RNF217: variants seen among roughly 807,000 people sequenced by gnomAD.
RNF217 encodes the protein E3 ubiquitin-protein ligase RNF217.
RNF217 carries 31 observed loss-of-function variants against 57.8 expected under a neutral mutation model. The observed-to-expected ratio is 0.54, with a 90% CI of 0.40 to 0.72. The LOEUF (loss-of-function observed/expected upper bound fraction) is 0.72. Ranked by LOEUF, RNF217 falls within the 30% of genes least tolerant of loss-of-function variation. The pLI is 0.00. For synonymous variants in RNF217, 313 were observed against 294.0 expected (o/e 1.06, Z -0.66); for missense variants, 696 against 708.3 (o/e 0.98, Z 0.20).
intron 1 of RNF217, among the ~76,000 whole-genome samples, chr6:124,987,052 C>G (rs1055262312): frequency 6.6e-6 from 1 of 152,126 alleles, no homozygotes; most frequent in African/African-American, 2.4e-5. Context: ...TATTAGTCTA[C>G]TAGCATGTAT....
At position 125,083,087 on chromosome 6, in the gene RNF217, G is replaced by A. The variant is rs1788639153; in HGVS notation, c.*150G>A. 2 of 553,202 alleles carry A rather than the reference G, an allele frequency of 3.6e-6. No individual in the cohort carries two copies. Among genetic ancestry groups the A allele is most frequent in the East Asian group, 6.4e-5 (2 of 31,336 alleles). 34.3% of individuals were successfully genotyped at this position (553,202 alleles called of 1,614,324 possible). On this transcript the variant is annotated 3_prime_UTR_variant, in exon 6 of 6. Transcript: ENST00000521654. ...TTCTCCGTGGGCCACAATGCCTCTA[G>A]CTATGGTGCACTCCCAACATGGTAT...
Position 124,969,688 on chromosome 6 carries a change from T to C in RNF217, c.882+6262T>C, listed in dbSNP as rs75801973. 2.6e-5 allele frequency among the ~76,000 whole-genome samples: 4 copies of C among 152,316 alleles called. No homozygotes were observed. The East Asian group carries it at 7.7e-4, about 29-fold the overall frequency. ...AAGGCACTGTTTTAGGCTCTGGGGA[T>C]ACAAGAGACTAAAACATTTAAAGCT... is the stretch of plus-strand genomic sequence containing the variant. On this transcript the variant is annotated intron_variant, in intron 1 of 5. Transcript: ENST00000521654.
intron 1 of RNF217, among the ~76,000 whole-genome samples, chr6:125,012,445 C>T (rs1218251736): frequency 6.6e-6 from 1 of 151,928 alleles, no homozygotes; most frequent in Non-Finnish European, 1.5e-5. Flanking sequence ...CTGAATATAC[C>T]CATTTTTGGG....
chr6:125,060,356 TACAC>T lies in RNF217; in HGVS notation c.1281+2272_1281+2275del, dbSNP rs71706851. On this transcript the variant is annotated intron_variant, in intron 3 of 5. Coordinates refer to ENST00000521654, the MANE Select transcript of RNF217 (RefSeq NM_001286398.3). ...TTTGTTAGGAAAGTATATATGTGTA[TACAC>T]ACACACACACACACACACACATATA... is the stretch of plus-strand genomic sequence containing the variant. Among the ~76,000 whole-genome samples, 665 of 150,142 alleles carry T rather than the reference TACAC, an allele frequency of 4.4e-3. 5 individuals carry two copies. Among genetic ancestry groups the T allele is most frequent in the African/African-American group, 0.015 (623 of 41,010 alleles).
At chr6:125,021,972 C>G (rs961003459) in intron 1 of RNF217, among the ~76,000 whole-genome samples, 1 of 152,136 alleles carries the variant, frequency 6.6e-6, no homozygotes, top group East Asian at 1.9e-4. Flanking sequence ...ACTTCTGCCT[C>G]CCAGGTTCAA....
At position 124,962,688 on chromosome 6, in the gene RNF217, G is replaced by A; in HGVS notation, c.144G>A (p.Ala48=). ...ARAPPLRAAS[A]EPSGGGCGSD... Reference sequence around the variant, plus strand: ...CGCCCCCGCTGCGCGCCGCCTCCGCGGAGCCGAGCGGCGGTGGCTGCGGAA... The same window carrying A: ...CGCCCCCGCTGCGCGCCGCCTCCGCAGAGCCGAGCGGCGGTGGCTGCGGAA... The change falls in exon 1 of 6, where the codon GCG becomes GCA. Residue 48 remains alanine, a synonymous_variant. Transcript: ENST00000521654. The surrounding 1 kb of genome is among the most constrained non-coding windows in gnomAD (Gnocchi z 4.6). 2 of 1,368,712 alleles carry A rather than the reference G, an allele frequency of 1.5e-6. No individual in the cohort carries two copies. The highest frequency in any genetic ancestry group is 1.9e-6 in the Non-Finnish European group (2 of 1,073,342). 84.8% of individuals were successfully genotyped at this position (1,368,712 alleles called of 1,614,324 possible).
chr6:125,021,138 C>A (rs925868978), intron 1 of RNF217, among the ~76,000 whole-genome samples: 4 of 152,162 alleles, frequency 2.6e-5, no homozygotes, highest in African/African-American at 9.7e-5. Context: ...GTTATTCATC[C>A]CACATTATTT....
At chr6:125,012,538 T>G (rs1164085013) in intron 1 of RNF217, among the ~76,000 whole-genome samples, 1 of 152,164 alleles carries the variant, frequency 6.6e-6, no homozygotes, top group Non-Finnish European at 1.5e-5. Context: ...TGAACCTCAT[T>G]GATAATGGTG....
chr6:125,005,110 C>T (rs1307964853), intron 1 of RNF217, among the ~76,000 whole-genome samples: 4 of 152,120 alleles, frequency 2.6e-5, no homozygotes, highest in Non-Finnish European at 4.4e-5. Context: ...GCATAACCCT[C>T]GTGACCTAAA....
intron 1 of RNF217, among the ~76,000 whole-genome samples, chr6:125,031,027 T>C (rs759815923): frequency 3.9e-4 from 60 of 152,260 alleles, no homozygotes; most frequent in Non-Finnish European, 2.8e-4. Flanking sequence ...TCTTTGCACA[T>C]GCACGCGGAA....
At chr6:125,045,480 A>T (rs770239198) in intron 2 of RNF217, 36 bp downstream of exon 2, 1 of 1,524,384 alleles carries the variant, frequency 6.6e-7, no homozygotes, top group South Asian at 1.2e-5. Context: ...GTTAGATGTC[A>T]CATGGCAGAA....
chr6:125,052,326 ATTTGT>A (rs557558665), intron 2 of RNF217, among the ~76,000 whole-genome samples: 5,617 of 129,874 alleles, frequency 0.043, 353 homozygotes, highest in African/African-American at 0.15. Context: ...GTGTGGTTTT[ATTTGT>A]TTTGTTTTGT....
chr6:125,019,786 G>A (rs978979412), intron 1 of RNF217, among the ~76,000 whole-genome samples: 6 of 150,536 alleles, frequency 4.0e-5, no homozygotes, highest in Non-Finnish European at 7.4e-5. Flanking sequence ...TTGGCCTCCT[G>A]GATTCCATGT....
At chr6:125,052,839 G>A (rs569691671) in intron 2 of RNF217, among the ~76,000 whole-genome samples, 10 of 152,072 alleles carry the variant, frequency 6.6e-5, no homozygotes, top group African/African-American at 2.2e-4. Flanking sequence ...GGACATACCC[G>A]AATCTGACAG....
chr6:125,036,533 A>G (rs533270629), intron 1 of RNF217, among the ~76,000 whole-genome samples: 57 of 152,294 alleles, frequency 3.7e-4, no homozygotes, highest in Admixed American at 1.7e-3. Flanking sequence ...GGATCTAATT[A>G]AACTAAAGAG....
Position 124,963,396 on chromosome 6 carries a change from G to T in RNF217, c.852G>T (p.Glu284Asp), listed in dbSNP as rs951742693. 1 of 1,498,388 alleles carries T rather than the reference G, an allele frequency of 6.7e-7. No individual in the cohort carries two copies. Among genetic ancestry groups the T allele is most frequent in the Non-Finnish European group, 8.9e-7 (1 of 1,128,834 alleles). 92.8% of individuals were successfully genotyped at this position (1,498,388 alleles called of 1,614,324 possible). A position where few individuals can be genotyped will look rare whatever the true frequency, so the allele number is the denominator to read the frequency against. The change falls in exon 1 of 6, where the codon GAG becomes GAT. Residue 284 changes from glutamate (E) to aspartate (D), a missense_variant. Transcript: ENST00000521654. ...CTTGCTGCAAGAAGGCCGTGTGCGAGGAGTGCCTCAAAGTCTACCTGAGCG... is the reference window on the plus strand; with the variant it reads ...CTTGCTGCAAGAAGGCCGTGTGCGATGAGTGCCTCAAAGTCTACCTGAGCG... ...PLPCCKKAVC[E>D]ECLKVYLSAQ... is the part of the protein sequence containing the mutation.
intron 1 of RNF217, among the ~76,000 whole-genome samples, chr6:125,013,253 G>T (rs991332757): frequency 6.6e-6 from 1 of 151,858 alleles, no homozygotes; most frequent in African/African-American, 2.4e-5. Context: ...AACAGGACAG[G>T]GGTGATAATG....
intron 3 of RNF217, among the ~76,000 whole-genome samples, chr6:125,075,472 GGA>G (rs1393613150): frequency 6.6e-6 from 1 of 152,104 alleles, no homozygotes; most frequent in Non-Finnish European, 1.5e-5. Context: ...CAGGGCAGCA[GGA>G]GAGAGAATGA....
intron 1 of RNF217, among the ~76,000 whole-genome samples, chr6:125,036,231 C>T (rs1786609563): frequency 6.6e-6 from 1 of 152,092 alleles, no homozygotes; most frequent in African/African-American, 2.4e-5. Flanking sequence ...CCAGCTTCAT[C>T]CATGTCCCTG....
Sources: allele counts gnomAD v4.1 joint callset (sites outside exome capture counted in the v4.1 genomes callset), GRCh38; gene constraint gnomAD v4.1.1; non-coding constraint Gnocchi (gnomAD v3.1); transcripts MANE v1.5; gene names NCBI Gene and HGNC (gene_info 2026-07-23, HGNC 2026-07-21).